PAN2: variants seen among roughly 807,000 people sequenced by gnomAD.
PAN2 encodes the protein PAN2-PAN3 deadenylation complex catalytic subunit PAN2.
In PAN2, 68 loss-of-function variants were observed where a neutral mutation model predicts 133.3. That is an observed-to-expected ratio of 0.51 (90% CI 0.42 to 0.62). The LOEUF is 0.62. Among genes scored for constraint, PAN2 ranks in the 20% least tolerant of loss-of-function variants. The probability of loss-of-function intolerance (pLI) is 0.00; values close to 1 mark genes in which losing one functional copy is unlikely to be tolerated. For synonymous variants in PAN2, 462 were observed against 544.6 expected (o/e 0.85, Z 2.11); for missense variants, 1,042 against 1,500.5 (o/e 0.69, Z 5.05).
chr12:56,330,143 G>GT (rs1276573193), intron 2 of PAN2, among the ~76,000 whole-genome samples: 4 of 151,984 alleles, frequency 2.6e-5, no homozygotes, highest in Non-Finnish European at 5.9e-5. Flanking sequence ...CTGCCTCTTT[G>GT]TTCCCCTTTT....
Position 56,323,215 on chromosome 12 carries a change from A to G in PAN2, c.2346-6T>C, listed in dbSNP as rs745381028. ...CTGGACTCCCTAGTTCCTTCCTATCAGGTCAGAAGAATTGGAAATTTGTTC... is the reference window on the plus strand; with the variant it reads ...CTGGACTCCCTAGTTCCTTCCTATCGGGTCAGAAGAATTGGAAATTTGTTC... On this transcript the variant is annotated splice_polypyrimidine_tract_variant and splice_region_variant and intron_variant, in intron 16 of 25. Coordinates refer to ENST00000440411, the MANE Select transcript of PAN2 (RefSeq NM_014871.6). 1.2e-6 allele frequency: 2 copies of G among 1,613,708 alleles called. No homozygotes were observed. The highest frequency in any genetic ancestry group is 8.5e-7 in the Non-Finnish European group (1 of 1,179,946).
rs1393786098 is a variant in PAN2, at chr12:56,316,987, T to A, written c.*622A>T. ...TTTTTATTTTATAAAACATGCAGTTTACAACAAATTTTTAAAAAATGGAAC... is the reference window on the plus strand; with the variant it reads ...TTTTTATTTTATAAAACATGCAGTTAACAACAAATTTTTAAAAAATGGAAC... On this transcript the variant is annotated 3_prime_UTR_variant, in exon 26 of 26. Coordinates refer to ENST00000440411, the MANE Select transcript of PAN2 (RefSeq NM_014871.6). 6.6e-6 allele frequency: 1 copy of A among 152,328 alleles called. No individual in the cohort carries two copies. The highest frequency in any genetic ancestry group is 6.5e-5 in the Admixed American group (1 of 15,276). 9.4% of individuals were successfully genotyped at this position (152,328 alleles called of 1,614,324 possible).
chr12:56,333,849 A>G lies in PAN2; in HGVS notation c.-115+13T>C, dbSNP rs956637488. 2 of 152,098 alleles carry G rather than the reference A, an allele frequency of 1.3e-5. No homozygotes were observed. Among genetic ancestry groups the G allele is most frequent in the Admixed American group, 6.6e-5 (1 of 15,256 alleles). The allele number at this position is 152,098 out of a possible 1,614,324, so 9.4% of individuals were successfully genotyped here. A position where few individuals can be genotyped will look rare whatever the true frequency, so the allele number is the denominator to read the frequency against. On this transcript the variant is annotated intron_variant, in intron 1 of 25. Transcript: ENST00000440411. ...ATGTGTTCCTGGGATGCTTACGGGG[A>G]ATGGGTCATTACCAAGATTTCTCCA... is the stretch of plus-strand genomic sequence containing the variant.
rs1189659670 is a variant in PAN2, at chr12:56,326,703, C to T, written c.1176G>A (p.Leu392=). 1 of 1,613,900 alleles carries T rather than the reference C, an allele frequency of 6.2e-7. No individual in the cohort carries two copies. Residue 392 remains leucine, a synonymous_variant, in exon 7 of 26, where the codon CTG becomes CTA. Coordinates refer to ENST00000440411, the MANE Select transcript of PAN2 (RefSeq NM_014871.6). The part of the protein sequence containing the change: ...SLPPLDWSQD[L]LPLSLIPVPL... ...GGACAGGGATGAGGGAAAGAGGCAG[C>T]AGGTCCTGGCTCCAGTCCAGAGGAG...
chr12:56,324,521 A>C, intron 11 of PAN2, 28 bp from the exon 12 acceptor site: 1 of 1,612,480 alleles, frequency 6.2e-7, no homozygotes, highest in Non-Finnish European at 8.5e-7. Flanking sequence ...GAAAGGGGTT[A>C]TTTTGTCTTT....
In PAN2 at chr12:56,319,491, G is replaced by C; in HGVS notation, c.3091-4C>G. On this transcript the variant is annotated splice_region_variant and splice_polypyrimidine_tract_variant and intron_variant, in intron 22 of 25. Coordinates refer to ENST00000440411, the MANE Select transcript of PAN2 (RefSeq NM_014871.6). The surrounding 1 kb of genome is among the most constrained non-coding windows in gnomAD (Gnocchi z 5.4). ...ATTGAGTCAAGTAATCCACCACCTA[G>C]GAATAGAGAAAAGGACAAGCCTTTT... The C allele has an allele frequency of 1.9e-6, 3 of 1,610,318 alleles. No individual in the cohort carries two copies. Among genetic ancestry groups the C allele is most frequent in the Non-Finnish European group, 2.5e-6 (3 of 1,178,250 alleles).
Position 56,318,317 on chromosome 12 carries a change from T to C in PAN2, c.3482A>G (p.Lys1161Arg), listed in dbSNP as rs1337014839. 1.9e-6 allele frequency: 3 copies of C among 1,614,118 alleles called. No homozygotes were observed. The highest frequency in any genetic ancestry group is 2.7e-5 in the African/African-American group (2 of 75,026). The part of the protein sequence containing the change: ...KNGTEPESFH[K>R]VLKGLYEKGR... Reference sequence around the variant, plus strand: ...CTTCTCATAAAGACCCTTGAGCACCTTGTGGAAAGACTCAGGCTCAGTGCC... The same window carrying C: ...CTTCTCATAAAGACCCTTGAGCACCCTGTGGAAAGACTCAGGCTCAGTGCC... Residue 1161 changes from lysine to arginine, a missense_variant, in exon 25 of 26, where the codon AAG (lysine) becomes AGG (arginine). By Grantham distance (26) the Lys-to-Arg change is conservative (BLOSUM62 2). Transcript: ENST00000440411.
intron 24 of PAN2, 194 bp from the exon 25 acceptor site, chr12:56,318,628 G>T: frequency 1.7e-6 from 1 of 573,852 alleles, no homozygotes; most frequent in Non-Finnish European, 3.1e-6. Flanking sequence ...ACTAACTGAG[G>T]GTCTCCCCTA....
At chr12:56,318,511 T>G (rs904795925) in intron 24 of PAN2, 77 bp from the exon 25 acceptor site, 1 of 1,125,584 alleles carries the variant, frequency 8.9e-7, no homozygotes, top group African/African-American at 1.6e-5. Context: ...CCTACCTGAC[T>G]CCAGAAAACT....
Position 56,322,135 on chromosome 12 carries a change from C to G in PAN2, c.2731G>C (p.Val911Leu), listed in dbSNP as rs1266768083. The G allele has an allele frequency of 6.2e-6, 10 of 1,609,990 alleles. No individual in the cohort carries two copies. Among genetic ancestry groups the G allele is most frequent in the Non-Finnish European group, 8.5e-6 (10 of 1,176,230 alleles). Residue 911 changes from valine to leucine, a missense_variant, in exon 20 of 26, where the codon GTA (valine) becomes CTA (leucine). By Grantham distance (32) the Val-to-Leu change is conservative (BLOSUM62 1). Transcript: ENST00000440411. The part of the protein sequence containing the change: ...EAVQFDMNWK[V>L]PAILYYVKRN... The stretch of plus-strand genomic sequence containing the variant: ...TTGACATAATAAAGGATTGCAGGTA[C>G]TTTCCAATTCATGTCAAACTGCACA...
At position 56,323,931 on chromosome 12, in the gene PAN2, G is replaced by A. The variant is rs1331283917; in HGVS notation, c.2066-18C>T. The A allele has an allele frequency of 6.2e-7, 1 of 1,604,476 alleles. No homozygotes were observed. The highest frequency in any genetic ancestry group is 1.3e-5 in the African/African-American group (1 of 74,752). ...AGTTTTATCTGAGGGAAAATTAGATGCTATACTCCTGGTTCTCCCCTCTAC... is the reference window on the plus strand; with the variant it reads ...AGTTTTATCTGAGGGAAAATTAGATACTATACTCCTGGTTCTCCCCTCTAC... On this transcript the variant is annotated intron_variant, in intron 13 of 25. Coordinates refer to ENST00000440411, the MANE Select transcript of PAN2 (RefSeq NM_014871.6).
intron 20 of PAN2, 143 bp from the exon 21 acceptor site, chr12:56,320,164 A>C: frequency 2.8e-6 from 2 of 727,016 alleles, no homozygotes; most frequent in Non-Finnish European, 4.6e-6. Flanking sequence ...ATCATGTCTG[A>C]TAAATGGGAC....
chr12:56,321,256 T>G (rs1245475011), intron 20 of PAN2, among the ~76,000 whole-genome samples: 2 of 149,312 alleles, frequency 1.3e-5, no homozygotes, highest in Non-Finnish European at 3.0e-5. Context: ...GAGACAGGGT[T>G]TCACTCTCGT....
intron 20 of PAN2, 117 bp from the exon 21 acceptor site, chr12:56,320,138 G>A: frequency 1.1e-6 from 1 of 890,908 alleles, no homozygotes; most frequent in Non-Finnish European, 1.8e-6. Flanking sequence ...AATAATCAAA[G>A]CACGTGAGAA....
rs759537895 is a variant in PAN2 at position 56,324,692 on chromosome 12, C to A, written c.1617G>T (p.Glu539Asp). 1.2e-6 allele frequency: 2 copies of A among 1,613,442 alleles called. No individual in the cohort carries two copies. The highest frequency in any genetic ancestry group is 1.7e-6 in the Non-Finnish European group (2 of 1,179,808). Residue 539 changes from glutamate to aspartate, a missense_variant, in exon 11 of 26, where the codon GAG becomes GAT. Around this residue, in one of 3 missense-constraint regions of PAN2, gnomAD observed 908 missense variants for 1,223.5 expected, o/e 0.74. Transcript: ENST00000440411. ...NCMIQVLYFL[E>D]PVRCLIQNHL... is the part of the protein sequence containing the mutation. The stretch of plus-strand genomic sequence containing the variant: ...GGTTTTGAATTAGACAGCGTACAGG[C>A]TCCAGGAAATAGAGCACCTGGAGGG...
chr12:56,330,398 C>T (rs1458786575), intron 2 of PAN2, among the ~76,000 whole-genome samples: 14 of 109,198 alleles, frequency 1.3e-4, no homozygotes, highest in Non-Finnish European at 2.0e-4. Context: ...CTCGCTCTGT[C>T]GCCCAGGCTG....
Position 56,323,376 on chromosome 12 carries a change from G to A in PAN2, c.2280C>T (p.Phe760=), listed in dbSNP as rs761698439. Reference sequence around the variant, plus strand: ...CACCGTGTTTCTTTACTGCCATCTTGAAGGCAACCTGAACACAGAAGAAAA... The same window carrying A: ...CACCGTGTTTCTTTACTGCCATCTTAAAGGCAACCTGAACACAGAAGAAAA... ...DFWRMQAEVA[F]KMAVKKHGGE... The change falls in exon 16 of 26, where the codon TTC becomes TTT. Residue 760 remains phenylalanine, a synonymous_variant. Coordinates refer to ENST00000440411, the MANE Select transcript of PAN2 (RefSeq NM_014871.6). The A allele has an allele frequency of 2.5e-6, 4 of 1,613,712 alleles. No homozygotes were observed. In the Admixed American group the frequency reaches 5.0e-5, roughly 20 times the overall value.
At chr12:56,318,636 C>G (rs556300303) in intron 24 of PAN2, 1 of 562,294 alleles carries the variant, frequency 1.8e-6, no homozygotes, top group Admixed American at 3.5e-5. Context: ...AGGGTCTCCC[C>G]TACTCCCATT....
Position 56,324,173 on chromosome 12 carries a change from T to A in PAN2, c.1941A>T (p.Ser647=), listed in dbSNP as rs1592437374. The change falls in exon 13 of 26, where the codon TCA becomes TCT. Residue 647 remains serine (S), a synonymous_variant. Coordinates refer to ENST00000440411, the MANE Select transcript of PAN2 (RefSeq NM_014871.6). ...GCTGCCCAATAACAGAGTCCCCCGATGAGCAAAAGCTGCTAAGAGTGGAGA... is the reference window on the plus strand; with the variant it reads ...GCTGCCCAATAACAGAGTCCCCCGAAGAGCAAAAGCTGCTAAGAGTGGAGA... ...YRGAGGSSFC[S]SGDSVIGQLF... The A allele has an allele frequency of 1.9e-6, 3 of 1,613,970 alleles. No individual in the cohort carries two copies. In the South Asian group the frequency reaches 3.3e-5, roughly 18 times the overall value.
Sources: allele counts gnomAD v4.1 joint callset (sites outside exome capture counted in the v4.1 genomes callset), GRCh38; gene constraint gnomAD v4.1.1; regional missense constraint gnomAD v4.1.1; non-coding constraint Gnocchi (gnomAD v3.1); transcripts MANE v1.5; gene names NCBI Gene and HGNC (gene_info 2026-07-23, HGNC 2026-07-21).